ZHX1: variants seen among roughly 807,000 people sequenced by gnomAD.
ZHX1 encodes the protein zinc fingers and homeoboxes 1.
A neutral mutation model predicts 61.8 loss-of-function variants in ZHX1; 20 were observed. That is an observed-to-expected ratio of 0.32 (90% CI 0.23 to 0.47). The LOEUF is 0.47. Ranked by LOEUF, ZHX1 falls within the 20% of genes least tolerant of loss-of-function variation. The pLI, the probability that ZHX1 is intolerant of heterozygous loss-of-function variation, is 1.00. For synonymous variants in ZHX1, 318 were observed against 352.6 expected (o/e 0.90, Z 1.10); for missense variants, 800 against 1,034.8 (o/e 0.77, Z 3.11).
chr8:123,267,282 C>G lies in ZHX1; in HGVS notation c.-235G>C, dbSNP rs971517624. On this transcript the variant is annotated 5_prime_UTR_variant, in exon 2 of 4. Transcript: ENST00000395571. ...ACAATGAAACACATACTTGCCACAG[C>G]TTCCTTAGCATTCTGTTCTTTGAAA... The G allele has an allele frequency of 3.4e-5, 52 of 1,531,980 alleles. No individual in the cohort carries two copies. The highest frequency in any genetic ancestry group is 1.2e-4 in the South Asian group (10 of 83,608). The allele number at this position is 1,531,980 out of a possible 1,614,324, so 94.9% of individuals were successfully genotyped here.
intron 2 of ZHX1, among the ~76,000 whole-genome samples, chr8:123,264,228 T>A (rs188886215): frequency 2.6e-5 from 4 of 152,156 alleles, no homozygotes; most frequent in Admixed American, 6.5e-5. Flanking sequence ...AGACAGCAAA[T>A]GCAAATTTGC....
rs191054282 is a variant in ZHX1, at chr8:123,251,972, T to C, written c.*3+1350A>G. On this transcript the variant is annotated intron_variant, in intron 3 of 3. Coordinates refer to ENST00000395571, the MANE Select transcript of ZHX1 (RefSeq NM_007222.5). ...TACATATTAAGCTCTCTATAAATAA[T>C]TGTTAAAATAAATAAAACCAGAGAG... Among the ~76,000 whole-genome samples, 216 of 152,264 alleles carry C rather than the reference T, an allele frequency of 1.4e-3. No individual in the cohort carries two copies. The Middle Eastern group carries it at 0.017, about 12-fold the overall frequency.
At chr8:123,253,168 T>C (rs770709141) in intron 3 of ZHX1, 154 bp downstream of exon 3, 3 of 549,420 alleles carry the variant, frequency 5.5e-6, no homozygotes, top group Non-Finnish European at 9.4e-6. Flanking sequence ...ATCATTTATC[T>C]CTTAGCTATA....
chr8:123,272,255 G>C (rs1826680826), intron 1 of ZHX1, among the ~76,000 whole-genome samples: 2 of 152,206 alleles, frequency 1.3e-5, no homozygotes, highest in South Asian at 4.1e-4. Context: ...CAAATAAGGC[G>C]TCTGAAGAGG....
In ZHX1 at chr8:123,249,534, T is replaced by C. The variant is rs1257269561; in HGVS notation, c.*790A>G. The stretch of plus-strand genomic sequence containing the variant: ...TCTTTTTCACATTTTTGGTGCAGTA[T>C]TTATTTCAAAGCTTCACCCTATCCA... On this transcript the variant is annotated 3_prime_UTR_variant, in exon 4 of 4. Transcript: ENST00000395571. The C allele has an allele frequency of 1.3e-5, 2 of 152,190 alleles. No individual in the cohort carries two copies. The highest frequency in any genetic ancestry group is 2.9e-5 in the Non-Finnish European group (2 of 67,994). 9.4% of individuals were successfully genotyped at this position (152,190 alleles called of 1,614,324 possible).
At chr8:123,262,512 G>GTT (rs1017854288) in intron 2 of ZHX1, among the ~76,000 whole-genome samples, 2 of 152,044 alleles carry the variant, frequency 1.3e-5, no homozygotes, top group African/African-American at 4.8e-5. Context: ...CTTTTGCTTT[G>GTT]TTTTTTTCCT....
In ZHX1 at chr8:123,253,689, C is replaced by T. The variant is rs746160266; in HGVS notation, c.2258G>A (p.Arg753Lys). The T allele has an allele frequency of 1.9e-6, 3 of 1,614,234 alleles. No individual in the cohort carries two copies. The highest frequency in any genetic ancestry group is 2.5e-6 in the Non-Finnish European group (3 of 1,180,030). ...TCTAGGCCGCCCACGCGGTCTTCCT[C>T]TTCCCCGTCCTTTGGGTCTCCCTCT... ...RGRGRPKGRG[R>K]GRPRGRPRGS... The change falls in exon 3 of 4, where the codon AGA becomes AAA. Residue 753 changes from arginine (R) to lysine (K), a missense_variant. Coordinates refer to ENST00000395571, the MANE Select transcript of ZHX1 (RefSeq NM_007222.5).
chr8:123,261,835 T>A (rs906500807), intron 2 of ZHX1, among the ~76,000 whole-genome samples: 2 of 152,148 alleles, frequency 1.3e-5, no homozygotes, highest in African/African-American at 4.8e-5. Context: ...AGCAACTTAA[T>A]CAGCTGAAAA....
chr8:123,256,605 A>C (rs550067545), intron 2 of ZHX1, among the ~76,000 whole-genome samples: 4 of 152,228 alleles, frequency 2.6e-5, no homozygotes, highest in African/African-American at 9.6e-5. Flanking sequence ...CTCTACTAAA[A>C]ACACAAAAAT....
At chr8:123,262,965 G>A (rs1253420394) in intron 2 of ZHX1, 1 of 151,062 alleles carries the variant, frequency 6.6e-6, no homozygotes, top group Non-Finnish European at 1.5e-5. Flanking sequence ...AGAAAGGGAG[G>A]GAGGGAGGAA....
chr8:123,267,203 G>A, intron 2 of ZHX1, 70 bp downstream of exon 2: 1 of 1,396,684 alleles, frequency 7.2e-7, no homozygotes, highest in Non-Finnish European at 9.7e-7. Context: ...GACAAATATA[G>A]TATCATGGGA....
chr8:123,273,335 C>T (rs1351811783), intron 1 of ZHX1, among the ~76,000 whole-genome samples: 2 of 152,200 alleles, frequency 1.3e-5, no homozygotes, highest in Non-Finnish European at 2.9e-5. Flanking sequence ...GCCCTTAGAC[C>T]TTGTTCCTCT....
chr8:123,271,481 T>C (rs2131228103), intron 1 of ZHX1, among the ~76,000 whole-genome samples: 1 of 152,292 alleles, frequency 6.6e-6, no homozygotes, highest in Non-Finnish European at 1.5e-5. Flanking sequence ...GTAAAGTCTT[T>C]GGGCCCAAAT....
intron 2 of ZHX1, among the ~76,000 whole-genome samples, chr8:123,261,126 G>A (rs1426034860): frequency 1.3e-5 from 2 of 152,214 alleles, no homozygotes; most frequent in Non-Finnish European, 2.9e-5. Flanking sequence ...AAAAGAGACT[G>A]AGAAGTCCCA....
At position 123,255,896 on chromosome 8, in the gene ZHX1, T is replaced by C. The variant is rs760462400; in HGVS notation, c.51A>G (p.Glu17=). Residue 17 remains glutamate, a synonymous_variant, in exon 3 of 4, where the codon GAA becomes GAG. Coordinates refer to ENST00000395571, the MANE Select transcript of ZHX1 (RefSeq NM_007222.5). ...STTPCMVLAS[E]QDPDLELISD... is the part of the protein sequence containing the mutation. ...ATATCAACTCAAGGTCTGGATCTTG[T>C]TCACTGGCAAGGACCATGCAAGGTG... The C allele has an allele frequency of 6.2e-7, 1 of 1,613,976 alleles. No individual in the cohort carries two copies. The highest frequency in any genetic ancestry group is 2.2e-5 in the East Asian group (1 of 44,880).
At chr8:123,267,520 T>C (rs912333026) in intron 1 of ZHX1, 134 bp from the exon 2 acceptor site, 20 of 382,240 alleles carry the variant, frequency 5.2e-5, no homozygotes, top group African/African-American at 4.1e-4. Flanking sequence ...ATCAAAACTT[T>C]AAAAGAACCA....
At position 123,249,837 on chromosome 8, in the gene ZHX1, G is replaced by GTTTTTTTTTTTTTTTTTTTTTTTTTTTT. The variant is rs869039149; in HGVS notation, c.*486_*487insAAAAAAAAAAAAAAAAAAAAAAAAAAAA. 3 of 117,300 alleles carry GTTTTTTTTTTTTTTTTTTTTTTTTTTTT rather than the reference G, an allele frequency of 2.6e-5. No homozygotes were observed. The highest frequency in any genetic ancestry group is 5.3e-5 in the Non-Finnish European group (3 of 56,902). 7.3% of individuals were successfully genotyped at this position (117,300 alleles called of 1,614,324 possible). ...AAATAAGACATAGTAATAAATCAGG[G>GTTTTTTTTTTTTTTTTTTTTTTTTTTTT]TTTTTTTTTTTTTTTTTTTTTTACC... On this transcript the variant is annotated 3_prime_UTR_variant, in exon 4 of 4. Coordinates refer to ENST00000395571, the MANE Select transcript of ZHX1 (RefSeq NM_007222.5).
At chr8:123,259,264 T>C (rs925776647) in intron 2 of ZHX1, among the ~76,000 whole-genome samples, 2 of 152,200 alleles carry the variant, frequency 1.3e-5, no homozygotes, top group Non-Finnish European at 2.9e-5. Context: ...GTCATTCTTT[T>C]TTTCTTTAAA....
Position 123,253,727 on chromosome 8 carries a change from A to G in ZHX1, c.2220T>C (p.Leu740=). The change falls in exon 3 of 4, where the codon CTT becomes CTC. Residue 740 remains leucine, a synonymous_variant. Coordinates refer to ENST00000395571, the MANE Select transcript of ZHX1 (RefSeq NM_007222.5). ...TGGGTCTCCCTCTCCCTCTTTTCCTAAGGGAAGACAGACCATTCATACTAC... is the reference window on the plus strand; with the variant it reads ...TGGGTCTCCCTCTCCCTCTTTTCCTGAGGGAAGACAGACCATTCATACTAC... ...NSSSMNGLSS[L]RKRGRGRPKG... is the part of the protein sequence containing the mutation. 1 of 1,614,122 alleles carries G rather than the reference A, an allele frequency of 6.2e-7. No homozygotes were observed. The highest frequency in any genetic ancestry group is 2.2e-5 in the East Asian group (1 of 44,886).
Sources: allele counts gnomAD v4.1 joint callset (sites outside exome capture counted in the v4.1 genomes callset), GRCh38; gene constraint gnomAD v4.1.1; transcripts MANE v1.5; gene names NCBI Gene and HGNC (gene_info 2026-07-23, HGNC 2026-07-21).